PDE11A: variants seen among roughly 807,000 people sequenced by gnomAD.
PDE11A encodes dual 3',5'-cyclic-AMP and -GMP phosphodiesterase 11A.
Under a neutral mutation model 100.5 loss-of-function variants are expected in PDE11A, and 100 were observed. The observed-to-expected ratio is 1.00, with a 90% CI of 0.85 to 1.18. PDE11A has a LOEUF of 1.18. Among genes scored for constraint, PDE11A ranks in the 50% most tolerant of loss-of-function variants. The pLI, the probability that PDE11A is intolerant of heterozygous loss-of-function variation, is 0.00. For missense variants in PDE11A, 1,141 were observed against 1,152.6 expected, an observed-to-expected ratio of 0.99 and a Z score of 0.15; for synonymous variants, 381 against 420.8, an observed-to-expected ratio of 0.91 and a Z score of 1.16.
At chr2:177,968,202 T>C (rs552636028) in intron 2 of PDE11A, among the ~76,000 whole-genome samples, 6 of 152,232 alleles carry the variant, frequency 3.9e-5, no homozygotes, top group Non-Finnish European at 5.9e-5. Context: ...ACAGAGACTG[T>C]ATTTATTCTG....
chr2:177,678,618 C>T (rs1424184311), intron 16 of PDE11A, among the ~76,000 whole-genome samples: 4 of 152,056 alleles, frequency 2.6e-5, no homozygotes, highest in Non-Finnish European at 5.9e-5. Context: ...GATGGTGCTC[C>T]CTTAGAGCAC....
intron 1 of PDE11A, among the ~76,000 whole-genome samples, chr2:178,023,901 C>A (rs2086444728): frequency 1.3e-5 from 2 of 152,124 alleles, no homozygotes; most frequent in African/African-American, 4.8e-5. Flanking sequence ...ATAAGGTATT[C>A]TTCGGCCTAC....
intron 10 of PDE11A, among the ~76,000 whole-genome samples, chr2:177,755,714 A>G (rs1458810230): frequency 6.6e-6 from 1 of 152,206 alleles, no homozygotes; most frequent in African/African-American, 2.4e-5. Context: ...CCAAACTGGA[A>G]CTTGGGACTC....
At chr2:177,676,433 C>G (rs1332982957) in intron 16 of PDE11A, among the ~76,000 whole-genome samples, 1 of 152,222 alleles carries the variant, frequency 6.6e-6, no homozygotes, top group East Asian at 1.9e-4. Flanking sequence ...GGTCAGAGGG[C>G]TGTCCTGATG....
chr2:177,979,832 G>A (rs532597727), intron 2 of PDE11A, among the ~76,000 whole-genome samples: 2 of 149,494 alleles, frequency 1.3e-5, no homozygotes, highest in East Asian at 2.0e-4. Context: ...GGATGGTCTC[G>A]ATCTCCTGAC....
At chr2:178,091,565 A>T (rs1574393853) in intron 2 of PDE11A, among the ~76,000 whole-genome samples, 1 of 152,112 alleles carries the variant, frequency 6.6e-6, no homozygotes, top group East Asian at 1.9e-4. Context: ...CTCACCCATA[A>T]TGATTCCTGA....
At chr2:177,848,909 T>C (rs1246318597) in intron 5 of PDE11A, among the ~76,000 whole-genome samples, 2 of 152,096 alleles carry the variant, frequency 1.3e-5, no homozygotes, top group South Asian at 2.1e-4. Context: ...TCAGCATTAC[T>C]TTTCCAAAAA....
chr2:177,775,801 TA>T (rs1366179115), intron 9 of PDE11A, among the ~76,000 whole-genome samples: 1 of 152,224 alleles, frequency 6.6e-6, no homozygotes, highest in Non-Finnish European at 1.5e-5. Context: ...CAGCCTCTGT[TA>T]ACTCCATTAT....
intron 2 of PDE11A, chr2:177,998,692 C>T: frequency 8.7e-7 from 1 of 1,144,028 alleles, no homozygotes; most frequent in Non-Finnish European, 1.3e-6. Flanking sequence ...ACTTGATAGG[C>T]ATCTTTATGC....
intron 2 of PDE11A, among the ~76,000 whole-genome samples, chr2:177,949,345 TGAA>T (rs1411941558): frequency 1.3e-5 from 2 of 152,172 alleles, no homozygotes; most frequent in Non-Finnish European, 2.9e-5. Context: ...CAGAAAAGCA[TGAA>T]GAAGAAAGTT....
intron 1 of PDE11A, among the ~76,000 whole-genome samples, chr2:178,036,107 T>C (rs2086610000): frequency 6.6e-6 from 1 of 152,226 alleles, no homozygotes; most frequent in African/African-American, 2.4e-5. Flanking sequence ...GATGACATGA[T>C]TGTATATTTA....
At chr2:177,850,192 G>C (rs1200910179) in intron 5 of PDE11A, among the ~76,000 whole-genome samples, 1 of 152,118 alleles carries the variant, frequency 6.6e-6, no homozygotes. Context: ...CAGAGATATA[G>C]ACCAGTGGAA....
At chr2:177,779,615 C>A (rs925627793) in intron 9 of PDE11A, among the ~76,000 whole-genome samples, 24 of 152,228 alleles carry the variant, frequency 1.6e-4, no homozygotes, top group African/African-American at 5.8e-4. Flanking sequence ...TTATGAGAAG[C>A]AACTCCTCAT....
intron 2 of PDE11A, among the ~76,000 whole-genome samples, chr2:178,008,274 G>A (rs2086235940): frequency 6.6e-6 from 1 of 152,106 alleles, no homozygotes; most frequent in Admixed American, 6.5e-5. Context: ...AGTACCTTCT[G>A]TGGAAACTAT....
intron 2 of PDE11A, among the ~76,000 whole-genome samples, chr2:178,003,457 T>C (rs2086168270): frequency 1.3e-5 from 2 of 152,058 alleles, no homozygotes; most frequent in African/African-American, 4.8e-5. Context: ...TCACCAAGGA[T>C]TACATATTAT....
At chr2:178,093,425 A>G (rs1442460343) in intron 2 of PDE11A, among the ~76,000 whole-genome samples, 1 of 149,730 alleles carries the variant, frequency 6.7e-6, no homozygotes, top group Non-Finnish European at 1.5e-5. Context: ...TTTTCTACCT[A>G]TCATACCAAG....
chr2:177,877,447 G>A (rs981567773), intron 4 of PDE11A, among the ~76,000 whole-genome samples: 63 of 152,092 alleles, frequency 4.1e-4, no homozygotes, highest in Non-Finnish European at 4.1e-4. Context: ...TTACAGGCAC[G>A]AGCCACCGCA....
At chr2:177,886,387 C>G (rs2695099) in intron 4 of PDE11A, among the ~76,000 whole-genome samples, 82,828 of 152,014 alleles carry the variant, frequency 0.54, 24,615 homozygotes, top group East Asian at 0.74. Context: ...TTCCTCATTT[C>G]TATTTTTGGC....
intron 4 of PDE11A, among the ~76,000 whole-genome samples, chr2:177,884,259 C>T (rs2084391592): frequency 6.6e-6 from 1 of 152,156 alleles, no homozygotes; most frequent in Non-Finnish European, 1.5e-5. Flanking sequence ...ACCACTCTGC[C>T]CTAGCACATT....
Sources: allele counts gnomAD v4.1 joint callset (sites outside exome capture counted in the v4.1 genomes callset), GRCh38; gene constraint gnomAD v4.1.1; transcripts MANE v1.5; gene names NCBI Gene and HGNC (gene_info 2026-07-23, HGNC 2026-07-21).